The following RBFOX1 variants were observed in gnomAD, a reference collection of about 807,000 sequenced individuals.
RBFOX1 encodes the protein RNA binding protein fox-1 homolog 1.
In RBFOX1, 8 loss-of-function variants were observed where a neutral mutation model predicts 57.7. That is an observed-to-expected ratio of 0.14 (90% confidence interval 0.08 to 0.25). RBFOX1 has a LOEUF of 0.25. Ranked by LOEUF, RBFOX1 falls within the 10% of genes least tolerant of loss-of-function variation. The pLI, the probability that RBFOX1 is intolerant of heterozygous loss-of-function variation, is 1.00. For missense variants in RBFOX1, 611 were observed against 548.5 expected (o/e 1.11, Z -1.14); for synonymous variants, 326 against 222.4 (o/e 1.47, Z -4.15).
intron 2 of RBFOX1, among the ~76,000 whole-genome samples, chr16:6,505,069 T>C (rs977830140): frequency 4.6e-5 from 7 of 152,122 alleles, no homozygotes; most frequent in Admixed American, 1.3e-4. Context: ...TGACACTCCG[T>C]CTCAATAAAT....
At chr16:6,210,044 A>G (rs2097282917) in intron 1 of RBFOX1, among the ~76,000 whole-genome samples, 3 of 152,114 alleles carry the variant, frequency 2.0e-5, no homozygotes, top group African/African-American at 4.8e-5. Context: ...GGGGCCAGGC[A>G]TGATGGCTCA....
rs759893956 is a variant in RBFOX1 at position 7,128,818 on chromosome 16, CTTTTTTTTTT to C, written c.27+76732_27+76741del. Among the ~76,000 whole-genome samples, 5 of 126,930 alleles carry C rather than the reference CTTTTTTTTTT, an allele frequency of 3.9e-5. No homozygotes were observed. In the Admixed American group the frequency reaches 4.3e-4, roughly 11 times the overall value. 83.3% of individuals were successfully genotyped at this position (126,930 alleles called of 152,430 possible). ...TAATGGTAACTTTTTTTTCTTTTTA[CTTTTTTTTTT>C]TTTTTTTTTTTAAGACGGAGTCTCA... On this transcript the variant is annotated intron_variant, in intron 4 of 15. Coordinates refer to ENST00000550418, the MANE Select transcript of RBFOX1 (RefSeq NM_018723.4).
At chr16:6,273,459 C>A (rs1006879833) in intron 1 of RBFOX1, among the ~76,000 whole-genome samples, 1 of 150,182 alleles carries the variant, frequency 6.7e-6, no homozygotes, top group African/African-American at 2.5e-5. Context: ...ATTCTCCTGC[C>A]TCAGCCTCCT....
chr16:7,425,404 A>T (rs777893886), intron 4 of RBFOX1, among the ~76,000 whole-genome samples: 36 of 152,330 alleles, frequency 2.4e-4, no homozygotes, highest in Middle Eastern at 3.4e-3. Flanking sequence ...CAACCGGATC[A>T]TGTAATAGAA....
intron 1 of RBFOX1, among the ~76,000 whole-genome samples, chr16:5,247,670 A>G (rs2062336750): frequency 6.6e-6 from 1 of 152,200 alleles, no homozygotes; most frequent in Non-Finnish European, 1.5e-5. Flanking sequence ...CTTTCCTGCT[A>G]CATTGGAGAG....
At chr16:6,314,263 G>T (rs12919937) in intron 1 of RBFOX1, among the ~76,000 whole-genome samples, 48,176 of 151,860 alleles carry the variant, frequency 0.32, 8,054 homozygotes, top group Middle Eastern at 0.41. Context: ...ATAAGGGGCC[G>T]TTTCCCAGAC....
At chr16:5,467,376 C>T in intron 2 of RBFOX1, 2 of 931,420 alleles carry the variant, frequency 2.1e-6, no homozygotes, top group Admixed American at 2.5e-5. Context: ...CTGTAATCAA[C>T]CACAGCACAG....
At chr16:6,218,617 G>C (rs1460357590) in intron 1 of RBFOX1, among the ~76,000 whole-genome samples, 1 of 152,060 alleles carries the variant, frequency 6.6e-6, no homozygotes, top group Non-Finnish European at 1.5e-5. Context: ...CCTTAGTAAA[G>C]TCTTTCTCTT....
intron 4 of RBFOX1, among the ~76,000 whole-genome samples, chr16:7,240,723 T>G (rs1200240203): frequency 6.6e-6 from 1 of 152,038 alleles, no homozygotes; most frequent in Non-Finnish European, 1.5e-5. Context: ...CCTGGCTAAT[T>G]TTTGTAGTTT....
intron 3 of RBFOX1, among the ~76,000 whole-genome samples, chr16:6,734,031 C>G (rs978432144): frequency 1.3e-5 from 2 of 152,192 alleles, no homozygotes; most frequent in Admixed American, 6.5e-5. Context: ...TTAACACGTG[C>G]TTATGTTTCT....
chr16:6,949,072 T>A (rs1045427612), intron 3 of RBFOX1, among the ~76,000 whole-genome samples: 1 of 152,214 alleles, frequency 6.6e-6, no homozygotes, highest in Non-Finnish European at 1.5e-5. Context: ...AGGACAAAGC[T>A]ATTGTCAAGG....
intron 5 of RBFOX1, among the ~76,000 whole-genome samples, chr16:7,535,987 G>A (rs1031004223): frequency 2.0e-5 from 3 of 152,158 alleles, no homozygotes; most frequent in Non-Finnish European, 4.4e-5. Context: ...GACAGACATA[G>A]CTTCTCCTTC....
chr16:7,013,682 C>G (rs1042941120), intron 3 of RBFOX1, among the ~76,000 whole-genome samples: 6 of 152,160 alleles, frequency 3.9e-5, no homozygotes, highest in Non-Finnish European at 1.5e-5. Flanking sequence ...TTAAGAGAGA[C>G]TGTTTTTCTC....
intron 2 of RBFOX1, among the ~76,000 whole-genome samples, chr16:6,491,624 C>T (rs530101338): frequency 6.6e-6 from 1 of 152,298 alleles, no homozygotes; most frequent in Admixed American, 6.5e-5. Context: ...AAGCTAGACA[C>T]TGTACTAATT....
intron 4 of RBFOX1, among the ~76,000 whole-genome samples, chr16:7,199,845 A>G (rs2087827357): frequency 6.6e-6 from 1 of 152,186 alleles, no homozygotes; most frequent in African/African-American, 2.4e-5. Context: ...TAGTGAGCTC[A>G]GATCTCATAA....
chr16:6,864,047 C>A (rs1010454533), intron 3 of RBFOX1, among the ~76,000 whole-genome samples: 5 of 148,712 alleles, frequency 3.4e-5, no homozygotes, highest in Non-Finnish European at 3.0e-5. Context: ...ACCTGCCTAG[C>A]AAAAGCTGAA....
At chr16:6,880,325 T>C (rs1171195302) in intron 3 of RBFOX1, among the ~76,000 whole-genome samples, 1 of 152,190 alleles carries the variant, frequency 6.6e-6, no homozygotes, top group Non-Finnish European at 1.5e-5. Context: ...AGAGACAGCC[T>C]CTGTTGTTCC....
At chr16:7,368,479 A>G (rs919856577) in intron 4 of RBFOX1, among the ~76,000 whole-genome samples, 1 of 151,694 alleles carries the variant, frequency 6.6e-6, no homozygotes. Context: ...GTCTTAATTC[A>G]CTTTAAAAAA....
chr16:6,674,305 T>C (rs2098786816), intron 3 of RBFOX1, among the ~76,000 whole-genome samples: 1 of 151,916 alleles, frequency 6.6e-6, no homozygotes, highest in Admixed American at 6.6e-5. Flanking sequence ...AATGACTGGG[T>C]TCTTTATTTT....
Sources: gnomAD v4.1 joint callset for allele counts (sites outside exome capture counted in the v4.1 genomes callset) on GRCh38, gnomAD v4.1.1 for gene constraint, MANE v1.5 for transcripts, NCBI Gene and HGNC (gene_info 2026-07-23, HGNC 2026-07-21) for gene names.